NPPC: variants seen among roughly 807,000 people sequenced by gnomAD.
NPPC encodes natriuretic peptide C, also known as C-type natriuretic peptide.
A neutral mutation model predicts 10.2 loss-of-function variants in NPPC; 4 were observed. The observed-to-expected ratio is 0.39, with a 90% CI of 0.19 to 0.90. The LOEUF (loss-of-function observed/expected upper bound fraction) is 0.90. NPPC is among the 40% of genes least tolerant of loss of function. The pLI is 0.37. For missense variants in NPPC, 182 were observed against 173.8 expected, an observed-to-expected ratio of 1.05 and a Z score of -0.26; for synonymous variants, 83 against 87.3, an observed-to-expected ratio of 0.95 and a Z score of 0.27.
chr2:231,923,395 C>T (rs779417335), intron 2 of NPPC, among the ~76,000 whole-genome samples: 1 of 152,254 alleles, frequency 6.6e-6, no homozygotes, highest in Non-Finnish European at 1.5e-5. Flanking sequence ...GCCACAACCT[C>T]AAAGAGTTTT....
intron 2 of NPPC, 46 bp downstream of exon 2, chr2:231,925,359 G>T: frequency 7.1e-7 from 1 of 1,399,302 alleles, no homozygotes; most frequent in Non-Finnish European, 9.3e-7. Context: ...GGCGGCGGGC[G>T]GTCCCGGGCC....
rs1691989682 is a variant in NPPC, at chr2:231,925,436, G to A, written c.370C>T (p.Leu124=). ...CAGGGGGCGCCGCACTAACATCCCA[G>A]GCCGCTCATGGAGCCGATTCGGTCC... is the stretch of plus-strand genomic sequence containing the variant. ...KLDRIGSMSG[L]GC The change falls in exon 2 of 3, where the codon CTG becomes TTG. Residue 124 remains leucine, a synonymous_variant. Transcript: ENST00000409852. 1 of 1,605,032 alleles carries A rather than the reference G, an allele frequency of 6.2e-7. No individual in the cohort carries two copies. Among genetic ancestry groups the A allele is most frequent in the Middle Eastern group, 1.7e-4 (1 of 6,016 alleles).
chr2:231,924,735 G>A (rs762767911), intron 2 of NPPC, among the ~76,000 whole-genome samples: 10 of 152,218 alleles, frequency 6.6e-5, no homozygotes, highest in African/African-American at 1.2e-4. Context: ...GTCGGGACAG[G>A]GTTGGTGAGG....
chr2:231,926,091 C>T, intron 1 of NPPC, 69 bp downstream of exon 1: 1 of 1,129,748 alleles, frequency 8.9e-7, no homozygotes, highest in Non-Finnish European at 1.1e-6. Context: ...GGGTCCTGCG[C>T]GCCGCATTCT....
At chr2:231,926,067 CTT>C (rs1276508426) in intron 1 of NPPC, 91 bp downstream of exon 1, 2 of 1,016,628 alleles carry the variant, frequency 2.0e-6, no homozygotes, top group Admixed American at 4.2e-5. Flanking sequence ...AGCCGCCTGC[CTT>C]CCCTCTCTCC....
intron 1 of NPPC, 65 bp downstream of exon 1, chr2:231,926,095 G>T: frequency 2.6e-6 from 3 of 1,154,570 alleles, no homozygotes; most frequent in Admixed American, 4.2e-5. Flanking sequence ...CCTGCGCGCC[G>T]CATTCTCCAA....
At chr2:231,924,767 C>T (rs1302185805) in intron 2 of NPPC, among the ~76,000 whole-genome samples, 1 of 152,094 alleles carries the variant, frequency 6.6e-6, no homozygotes, top group East Asian at 1.9e-4. Flanking sequence ...GTGTTGAGTT[C>T]GAGGCTGGGG....
At chr2:231,923,550 A>T (rs1691958751) in intron 2 of NPPC, among the ~76,000 whole-genome samples, 2 of 152,200 alleles carry the variant, frequency 1.3e-5, no homozygotes, top group South Asian at 2.1e-4. Flanking sequence ...TTTTTCATTT[A>T]AAAAATCCCA....
At chr2:231,923,895 A>G (rs1691964208) in intron 2 of NPPC, among the ~76,000 whole-genome samples, 1 of 152,242 alleles carries the variant, frequency 6.6e-6, no homozygotes, top group Non-Finnish European at 1.5e-5. Context: ...TGCTTAAATC[A>G]AACTGAAAAT....
At chr2:231,925,815 C>G in intron 1 of NPPC, 100 bp from the exon 2 acceptor site, 1 of 1,349,386 alleles carries the variant, frequency 7.4e-7, no homozygotes, top group South Asian at 1.6e-5. Context: ...GGGTGTCCCT[C>G]CCAAGCCCAG....
At position 231,925,604 on chromosome 2, in the gene NPPC, G is replaced by T. The variant is rs1308282003; in HGVS notation, c.202C>A (p.Arg68=). 5.0e-6 allele frequency: 8 copies of T among 1,611,074 alleles called. No homozygotes were observed. The highest frequency in any genetic ancestry group is 2.2e-5 in the South Asian group (2 of 90,730). ...CGCAGGTCCCGGAGCAGTCGCGACCGGTCGCCCTTGAGATTGGCGCCCCCG... is the reference window on the plus strand; with the variant it reads ...CGCAGGTCCCGGAGCAGTCGCGACCTGTCGCCCTTGAGATTGGCGCCCCCG... ...GGGGANLKGD[R]SRLLRDLRVD... is the part of the protein sequence containing the mutation. Residue 68 remains arginine, a synonymous_variant, in exon 2 of 3, where the codon CGG becomes AGG. Coordinates refer to ENST00000409852, the MANE Select transcript of NPPC (RefSeq NM_024409.4).
In NPPC at chr2:231,926,163, C is replaced by A; in HGVS notation, c.87G>T (p.Pro29=). ...GCGTCCCCACGACAGCACCCACCTT[C>A]GGCGGCGCCCCGGGCTTGGCTTCGG... The part of the protein sequence containing the change: ...RPSEAKPGAP[P]KVPRTPPAEE... Residue 29 remains proline (P), a synonymous_variant, in exon 1 of 3, where the codon CCG becomes CCT. Coordinates refer to ENST00000409852, the MANE Select transcript of NPPC (RefSeq NM_024409.4). 7.7e-7 allele frequency: 1 copy of A among 1,290,462 alleles called. No homozygotes were observed. Among genetic ancestry groups the A allele is most frequent in the South Asian group, 2.7e-5 (1 of 36,774 alleles). The allele number at this position is 1,290,462 out of a possible 1,614,324, so 79.9% of individuals were successfully genotyped here.
At chr2:231,924,815 A>C (rs1691977870) in intron 2 of NPPC, among the ~76,000 whole-genome samples, 1 of 152,158 alleles carries the variant, frequency 6.6e-6, no homozygotes, top group African/African-American at 2.4e-5. Flanking sequence ...CTATTCCCTG[A>C]AATAGTGCCA....
At chr2:231,923,791 G>T (rs1691962758) in intron 2 of NPPC, among the ~76,000 whole-genome samples, 1 of 152,218 alleles carries the variant, frequency 6.6e-6, no homozygotes, top group Non-Finnish European at 1.5e-5. Context: ...AGACATCCAG[G>T]CCCAAGAACA....
At chr2:231,923,184 C>G (rs559444261) in intron 2 of NPPC, among the ~76,000 whole-genome samples, 1 of 152,348 alleles carries the variant, frequency 6.6e-6, no homozygotes, top group East Asian at 1.9e-4. Context: ...AACCCTCCCC[C>G]ACTCCCTTCT....
chr2:231,926,106 G>T, intron 1 of NPPC, 54 bp downstream of exon 1: 1 of 1,206,792 alleles, frequency 8.3e-7, no homozygotes, highest in Non-Finnish European at 1.1e-6. Context: ...CATTCTCCAA[G>T]CCCCCAGCCT....
chr2:231,925,708 C>T lies in NPPC; in HGVS notation c.98G>A (p.Arg33Gln), dbSNP rs759864099. Reference sequence around the variant, plus strand: ...GGCCAGCTCCTCTGCCGGCGGGGTTCGCGGGACCTGTCCGAGGAAAGAGCG... The same window carrying T: ...GGCCAGCTCCTCTGCCGGCGGGGTTTGCGGGACCTGTCCGAGGAAAGAGCG... Reference protein sequence around the residue: ...AKPGAPPKVPRTPPAEELAEP... With the variant: ...AKPGAPPKVPQTPPAEELAEP... The change falls in exon 2 of 3, where the codon CGA (arginine) becomes CAA (glutamine). Residue 33 changes from arginine (R) to glutamine (Q), a missense_variant. By Grantham distance (43) the Arg-to-Gln change is conservative. Transcript: ENST00000409852. The T allele has an allele frequency of 1.2e-5, 19 of 1,566,792 alleles. No individual in the cohort carries two copies. The highest frequency in any genetic ancestry group is 1.6e-5 in the Non-Finnish European group (19 of 1,160,938).
At chr2:231,924,275 G>A (rs1375226724) in intron 2 of NPPC, among the ~76,000 whole-genome samples, 3 of 152,242 alleles carry the variant, frequency 2.0e-5, no homozygotes, top group Admixed American at 6.5e-5. Flanking sequence ...ATATGGAGAG[G>A]TGAATGGGTT....
Position 231,926,379 on chromosome 2 carries a change from G to T in NPPC, c.-130C>A. On this transcript the variant is annotated 5_prime_UTR_variant, in exon 1 of 3. Coordinates refer to ENST00000409852, the MANE Select transcript of NPPC (RefSeq NM_024409.4). ...GAGCAGGGTCCCAGTGCTGCGCGGC[G>T]CCGGCTGGGTGCGCTCTGAGCCCGT... The T allele has an allele frequency of 2.0e-6, 1 of 499,436 alleles. No homozygotes were observed. The highest frequency in any genetic ancestry group is 3.1e-6 in the Non-Finnish European group (1 of 319,324). 30.9% of individuals were successfully genotyped at this position (499,436 alleles called of 1,614,324 possible). A position where few individuals can be genotyped will look rare whatever the true frequency, so the allele number is the denominator to read the frequency against.
Sources: allele counts gnomAD v4.1 joint callset (sites outside exome capture counted in the v4.1 genomes callset), GRCh38; gene constraint gnomAD v4.1.1; transcripts MANE v1.5; gene names NCBI Gene and HGNC (gene_info 2026-07-23, HGNC 2026-07-21).